Variants in RIC1 observed in about 807,000 individuals in gnomAD.
RIC1 encodes the protein RIC1 partner of RAB6A GEF complex, also known as guanine nucleotide exchange factor subunit RIC1.
RIC1 carries 88 observed loss-of-function variants against 169.0 expected under a neutral mutation model. The observed-to-expected ratio is 0.52, with a 90% CI of 0.44 to 0.62. RIC1 has a LOEUF of 0.62. Ranked by LOEUF, RIC1 falls within the 20% of genes least tolerant of loss-of-function variation. The probability of loss-of-function intolerance (pLI) is 0.00; values close to 1 mark genes in which losing one functional copy is unlikely to be tolerated. For synonymous variants in RIC1, 790 were observed against 601.5 expected (o/e 1.31, Z -4.59); for missense variants, 1,877 against 1,725.5 (o/e 1.09, Z -1.56).
At chr9:5,673,559 A>ATATATATATATATATATATATAT (rs1554663256) in intron 2 of RIC1, among the ~76,000 whole-genome samples, 35 of 92,676 alleles carry the variant, frequency 3.8e-4, no homozygotes, top group Middle Eastern at 6.3e-3. Flanking sequence ...TATATATATA[A>ATATATATATATATATATATATAT]ATAAATGTTG....
chr9:5,663,772 C>A (rs936424848), intron 2 of RIC1, among the ~76,000 whole-genome samples: 1 of 152,106 alleles, frequency 6.6e-6, no homozygotes, highest in Non-Finnish European at 1.5e-5. Flanking sequence ...GCTTGCCATT[C>A]TGTGTCTTTT....
intron 3 of RIC1, among the ~76,000 whole-genome samples, chr9:5,702,991 G>A (rs554861896): frequency 6.6e-6 from 1 of 152,264 alleles, no homozygotes; most frequent in African/African-American, 2.4e-5. Flanking sequence ...CATAAGATTT[G>A]TGTAGGGACA....
chr9:5,732,513 G>A, intron 7 of RIC1, 34 bp downstream of exon 7: 1 of 1,442,000 alleles, frequency 6.9e-7, no homozygotes. Context: ...ATTTTTAAGA[G>A]TTGTTGCAAA....
chr9:5,725,194 T>C (rs1275025505), intron 6 of RIC1, among the ~76,000 whole-genome samples: 2 of 152,230 alleles, frequency 1.3e-5, no homozygotes, highest in South Asian at 4.1e-4. Context: ...TCCTGGACTT[T>C]TTTTGGTTAG....
At chr9:5,651,267 C>T (rs1351175002) in intron 1 of RIC1, among the ~76,000 whole-genome samples, 2 of 152,134 alleles carry the variant, frequency 1.3e-5, no homozygotes, top group Non-Finnish European at 2.9e-5. Flanking sequence ...CCTCTTCTTC[C>T]TTGCTTTAGG....
chr9:5,724,916 A>G (rs1252357067), intron 6 of RIC1, among the ~76,000 whole-genome samples: 1 of 152,134 alleles, frequency 6.6e-6, no homozygotes, highest in Non-Finnish European at 1.5e-5. Context: ...CCAACTTGAT[A>G]GTGGTGGATA....
chr9:5,737,430 C>T (rs971895876), intron 7 of RIC1, among the ~76,000 whole-genome samples: 1 of 151,936 alleles, frequency 6.6e-6, no homozygotes, highest in Non-Finnish European at 1.5e-5. Flanking sequence ...TCCTGTTTAC[C>T]CCTCTTCTTT....
chr9:5,721,445 C>A (rs1467432390), intron 6 of RIC1, among the ~76,000 whole-genome samples: 2 of 152,212 alleles, frequency 1.3e-5, no homozygotes, highest in Admixed American at 1.3e-4. Flanking sequence ...CCAGCACACA[C>A]GCGCGTGCAC....
downstream of RIC1, among the ~76,000 whole-genome samples, chr9:5,778,339 C>T (rs183742810): frequency 4.6e-5 from 7 of 152,246 alleles, no homozygotes; most frequent in African/African-American, 1.7e-4. Flanking sequence ...TGTTTGCAAC[C>T]AGAGATAGTT....
chr9:5,733,638 G>A (rs887440955), intron 7 of RIC1, among the ~76,000 whole-genome samples: 1 of 151,968 alleles, frequency 6.6e-6, no homozygotes, highest in Non-Finnish European at 1.5e-5. Flanking sequence ...GTAAAGTAGG[G>A]AATCCTCATC....
At position 5,682,967 on chromosome 9, in the gene RIC1, G is replaced by T. The variant is rs1201342271; in HGVS notation, c.253-6992G>T. On this transcript the variant is annotated intron_variant, in intron 2 of 25. Transcript: ENST00000414202. ...CCAGTTGATCGCATCGGCTACTGAG[G>T]CTTGCGCATTCGTCACGTAGTTCTC... Among the ~76,000 whole-genome samples, 8 of 152,202 alleles carry T rather than the reference G, an allele frequency of 5.3e-5. No homozygotes were observed. The South Asian group carries it at 1.2e-3, about 24-fold the overall frequency.
chr9:5,739,625 C>T (rs569247286), intron 8 of RIC1, among the ~76,000 whole-genome samples: 10 of 152,228 alleles, frequency 6.6e-5, no homozygotes, highest in Admixed American at 5.2e-4. Flanking sequence ...TCTTGCCTGG[C>T]GACTGCCTCA....
intron 1 of RIC1, among the ~76,000 whole-genome samples, chr9:5,650,254 C>T (rs1224605914): frequency 6.6e-6 from 1 of 152,040 alleles, no homozygotes; most frequent in Non-Finnish European, 1.5e-5. Context: ...TGGGCTATGG[C>T]AGTAGTTGTG....
At chr9:5,688,267 G>T (rs968454865) in intron 2 of RIC1, among the ~76,000 whole-genome samples, 1 of 152,130 alleles carries the variant, frequency 6.6e-6, no homozygotes, top group Admixed American at 6.5e-5. Context: ...CTGGAAGTCT[G>T]CCAGGCTTTG....
Position 5,745,144 on chromosome 9 carries a change from T to A in RIC1, c.1096-787T>A, listed in dbSNP as rs1825304025. On this transcript the variant is annotated intron_variant, in intron 10 of 25. Transcript: ENST00000414202. ...AACCAGTGTTGTCCGTCTCACTAAG[T>A]TGATATTTTAACCACAAACTAAGAA... is the stretch of plus-strand genomic sequence containing the variant. Among the ~76,000 whole-genome samples, 3 of 152,166 alleles carry A rather than the reference T, an allele frequency of 2.0e-5. No individual in the cohort carries two copies. The South Asian group carries it at 6.2e-4, about 31-fold the overall frequency.
intron 2 of RIC1, among the ~76,000 whole-genome samples, chr9:5,676,365 A>C (rs1370791650): frequency 6.6e-6 from 1 of 152,172 alleles, no homozygotes; most frequent in Non-Finnish European, 1.5e-5. Flanking sequence ...TTGAAGATTA[A>C]ATTGTATAAT....
intron 9 of RIC1, 83 bp downstream of exon 9, chr9:5,743,096 T>C: frequency 7.5e-7 from 1 of 1,332,672 alleles, no homozygotes; most frequent in African/African-American, 1.5e-5. Flanking sequence ...GTGTCAGAAC[T>C]TCCCTTTTTG....
rs1216291451 is a variant in RIC1 at position 5,692,044 on chromosome 9, ACT to A, written c.332+2009_332+2010del. ...CAATGCGTGAACTTTGCTGTGTTTG[ACT>A]CTATGTGTTAAGGCAGAGAACTAAA... is the stretch of plus-strand genomic sequence containing the variant. On this transcript the variant is annotated intron_variant, in intron 3 of 25. Coordinates refer to ENST00000414202, the MANE Select transcript of RIC1 (RefSeq NM_020829.4). Among the ~76,000 whole-genome samples the A allele has an allele frequency of 2.0e-5, 3 of 152,112 alleles. No individual in the cohort carries two copies. In the East Asian group the frequency reaches 5.8e-4, roughly 29 times the overall value.
chr9:5,774,017 T>C lies in RIC1; in HGVS notation c.4043T>C (p.Ile1348Thr). The part of the protein sequence containing the change: ...IKPQLQKLSE[I>T]TEEQVQPDAF... ...CCACAACTGCAGAAGCTCAGTGAGA[T>C]AACAGAAGAGCAGGTCCAGCCAGAT... The change falls in exon 26 of 26, where the codon ATA (isoleucine) becomes ACA (threonine). Residue 1348 changes from isoleucine to threonine, a missense_variant. Ile to Thr is a moderately conservative substitution (Grantham distance 89). This residue lies in a region of RIC1 where 681 missense variants were observed against 582.0 expected (regional missense o/e 1.17). Transcript: ENST00000414202. The C allele has an allele frequency of 6.2e-7, 1 of 1,613,886 alleles. No individual in the cohort carries two copies. Among genetic ancestry groups the C allele is most frequent in the South Asian group, 1.1e-5 (1 of 91,050 alleles).
Sources: allele counts gnomAD v4.1 joint callset (sites outside exome capture counted in the v4.1 genomes callset), GRCh38; gene constraint gnomAD v4.1.1; regional missense constraint gnomAD v4.1.1; transcripts MANE v1.5; gene names NCBI Gene and HGNC (gene_info 2026-07-23, HGNC 2026-07-21).